The following KCNH7 variants were observed in gnomAD, a reference collection of about 807,000 sequenced individuals.
KCNH7 encodes the protein voltage-gated inwardly rectifying potassium channel KCNH7.
A neutral mutation model predicts 120.8 loss-of-function variants in KCNH7; 49 were observed. The observed-to-expected ratio is 0.41, with a 90% CI of 0.32 to 0.51. The LOEUF (loss-of-function observed/expected upper bound fraction) is 0.51, where lower values mean the gene tolerates loss of function less well. Among genes scored for constraint, KCNH7 ranks in the 20% least tolerant of loss-of-function variants. The pLI, the probability that KCNH7 is intolerant of heterozygous loss-of-function variation, is 0.38. For missense variants in KCNH7, 1,097 were observed against 1,446.6 expected (o/e 0.76, Z 3.92); for synonymous variants, 547 against 516.1 (o/e 1.06, Z -0.81).
At chr2:162,630,440 C>T (rs766159699) in intron 2 of KCNH7, among the ~76,000 whole-genome samples, 8 of 149,740 alleles carry the variant, frequency 5.3e-5, no homozygotes, top group Non-Finnish European at 1.2e-4. Flanking sequence ...CCAATAGATG[C>T]GGGAAGAAGA....
chr2:162,433,511 G>T (rs1688138744), intron 8 of KCNH7, among the ~76,000 whole-genome samples: 4 of 151,974 alleles, frequency 2.6e-5, no homozygotes, highest in Admixed American at 2.6e-4. Flanking sequence ...CAAAGTTGAT[G>T]AAAATAAGCA....
chr2:162,706,650 T>A (rs1686712281), intron 2 of KCNH7, among the ~76,000 whole-genome samples: 1 of 152,128 alleles, frequency 6.6e-6, no homozygotes, highest in South Asian at 2.1e-4. Context: ...TTCTGTAACA[T>A]GTTTTTTATT....
At chr2:162,629,804 A>C (rs1231121123) in intron 2 of KCNH7, among the ~76,000 whole-genome samples, 1 of 152,122 alleles carries the variant, frequency 6.6e-6, no homozygotes, top group Non-Finnish European at 1.5e-5. Context: ...GCTGATTATC[A>C]AATGTTTACC....
At position 162,620,641 on chromosome 2, in the gene KCNH7, C is replaced by A. The variant is rs561989985; in HGVS notation, c.308-83561G>T. ...TCATCCATCATATTTTATTGTAAAT[C>A]ATTTTTAAATTCTGCCAATTATCTT... On this transcript the variant is annotated intron_variant, in intron 2 of 15. Transcript: ENST00000332142. Among the ~76,000 whole-genome samples the A allele has an allele frequency of 6.9e-4, 105 of 152,206 alleles. 1 individual carries two copies. In the South Asian group the frequency reaches 0.02, roughly 29 times the overall value.
chr2:162,480,632 T>A (rs1265764674), intron 6 of KCNH7, among the ~76,000 whole-genome samples: 1 of 152,208 alleles, frequency 6.6e-6, no homozygotes. Context: ...TTGGTGGCAT[T>A]CAGAAAACAT....
chr2:162,512,608 G>A (rs1240824288), intron 5 of KCNH7, 46 bp downstream of exon 5: 1 of 1,575,080 alleles, frequency 6.3e-7, no homozygotes, highest in Non-Finnish European at 8.7e-7. Flanking sequence ...GCCGAGTAAA[G>A]GGGCAGGTTG....
At chr2:162,606,667 C>G (rs1324299696) in intron 2 of KCNH7, among the ~76,000 whole-genome samples, 2 of 152,056 alleles carry the variant, frequency 1.3e-5, no homozygotes, top group Admixed American at 6.6e-5. Context: ...TTCTGCCTAC[C>G]AGGATGAGCA....
intron 12 of KCNH7, among the ~76,000 whole-genome samples, chr2:162,390,510 C>T (rs1266683634): frequency 6.6e-6 from 1 of 151,844 alleles, no homozygotes; most frequent in Non-Finnish European, 1.5e-5. Context: ...TTCTCATTTA[C>T]TTCTCTTCTG....
At chr2:162,780,337 A>G (rs1181168681) in intron 2 of KCNH7, among the ~76,000 whole-genome samples, 1 of 152,104 alleles carries the variant, frequency 6.6e-6, no homozygotes, top group African/African-American at 2.4e-5. Flanking sequence ...GCTGCATTGT[A>G]TTTTACTGCA....
chr2:162,594,710 CAATAT>C (rs150177690), intron 2 of KCNH7, among the ~76,000 whole-genome samples: 7,732 of 151,912 alleles, frequency 0.051, 361 homozygotes, highest in East Asian at 0.18. Context: ...CTGAACAATA[CAATAT>C]AACAACAATT....
At chr2:162,687,568 C>T (rs1286366966) in intron 2 of KCNH7, among the ~76,000 whole-genome samples, 1 of 151,946 alleles carries the variant, frequency 6.6e-6, no homozygotes, top group Non-Finnish European at 1.5e-5. Flanking sequence ...CTACATTCAG[C>T]GATGTCACCT....
chr2:162,689,696 T>C (rs1686033257), intron 2 of KCNH7, among the ~76,000 whole-genome samples: 1 of 152,206 alleles, frequency 6.6e-6, no homozygotes, highest in Non-Finnish European at 1.5e-5. Context: ...CATTCTTCAA[T>C]GTTTAATATA....
chr2:162,423,549 A>G lies in KCNH7; in HGVS notation c.1955-14T>C. The G allele has an allele frequency of 6.2e-7, 1 of 1,608,404 alleles. No homozygotes were observed. Among genetic ancestry groups the G allele is most frequent in the Non-Finnish European group, 8.5e-7 (1 of 1,175,814 alleles). On this transcript the variant is annotated splice_polypyrimidine_tract_variant and intron_variant, in intron 8 of 15. Coordinates refer to ENST00000332142, the MANE Select transcript of KCNH7 (RefSeq NM_033272.4). ...CATACATTAGTGCTGGATTGGATAA[A>G]AAACAAAGTTATCGGGGAAACTGCA...
At chr2:162,749,521 G>A (rs1365954010) in intron 2 of KCNH7, among the ~76,000 whole-genome samples, 1 of 152,132 alleles carries the variant, frequency 6.6e-6, no homozygotes, top group African/African-American at 2.4e-5. Flanking sequence ...ACATGTTATG[G>A]AAGTAATGTG....
rs191946577 is a variant in KCNH7 at position 162,773,321 on chromosome 2, C to G, written c.307+63216G>C. Among the ~76,000 whole-genome samples the G allele has an allele frequency of 2.2e-3, 342 of 152,146 alleles. 1 individual carries two copies. The Middle Eastern group carries it at 0.031, about 14-fold the overall frequency. ...TGGCCAATATGGTGAAACCCTGTCTCTACTAAAAATACAAAAATTAGCTGG... is the reference window on the plus strand; with the variant it reads ...TGGCCAATATGGTGAAACCCTGTCTGTACTAAAAATACAAAAATTAGCTGG... On this transcript the variant is annotated intron_variant, in intron 2 of 15. Coordinates refer to ENST00000332142, the MANE Select transcript of KCNH7 (RefSeq NM_033272.4).
At chr2:162,670,484 A>G (rs562736682) in intron 2 of KCNH7, among the ~76,000 whole-genome samples, 1 of 150,982 alleles carries the variant, frequency 6.6e-6, no homozygotes, top group Admixed American at 6.6e-5. Context: ...AAAAAAAAAA[A>G]AAAAAAAAGA....
At chr2:162,389,342 C>T (rs1242640693) in intron 12 of KCNH7, among the ~76,000 whole-genome samples, 1 of 151,922 alleles carries the variant, frequency 6.6e-6, no homozygotes, top group Non-Finnish European at 1.5e-5. Context: ...AGGCCAATGT[C>T]CCTTTTGACA....
chr2:162,537,928 C>T (rs986271907), intron 2 of KCNH7: 3 of 152,116 alleles, frequency 2.0e-5, no homozygotes, highest in Non-Finnish European at 2.9e-5. Context: ...TGCTGACTGA[C>T]TCCTTGCAGC....
At chr2:162,673,399 A>G (rs1685427787) in intron 2 of KCNH7, among the ~76,000 whole-genome samples, 1 of 152,212 alleles carries the variant, frequency 6.6e-6, no homozygotes, top group South Asian at 2.1e-4. Flanking sequence ...TAAGAAATCA[A>G]TTAGTAGAAT....
Sources: gnomAD v4.1 joint callset for allele counts (sites outside exome capture counted in the v4.1 genomes callset) on GRCh38, gnomAD v4.1.1 for gene constraint, MANE v1.5 for transcripts, NCBI Gene and HGNC (gene_info 2026-07-23, HGNC 2026-07-21) for gene names.